CSMD1: variants seen among roughly 807,000 people sequenced by gnomAD.
CSMD1 encodes CUB and Sushi multiple domains 1, also known as CUB and sushi domain-containing protein 1.
CSMD1 carries 213 observed loss-of-function variants against 417.5 expected under a neutral mutation model. The ratio of observed to expected loss-of-function variants is 0.51; its 90% CI spans 0.46 to 0.57. CSMD1 has a LOEUF of 0.57. Ranked by LOEUF, CSMD1 falls within the 20% of genes least tolerant of loss-of-function variation. The probability of loss-of-function intolerance (pLI) is 0.00; values close to 1 mark genes in which losing one functional copy is unlikely to be tolerated. For synonymous variants in CSMD1, 2,862 were observed against 1,736.8 expected, an observed-to-expected ratio of 1.65 and a Z score of -16.11; for missense variants, 6,923 against 4,529.7, an observed-to-expected ratio of 1.53 and a Z score of -15.17.
At chr8:3,749,249 G>A (rs974152088) in intron 6 of CSMD1, among the ~76,000 whole-genome samples, 3 of 152,180 alleles carry the variant, frequency 2.0e-5, no homozygotes, top group Admixed American at 6.5e-5. Context: ...GAAATAATGT[G>A]TCCTGCATAA....
intron 5 of CSMD1, among the ~76,000 whole-genome samples, chr8:3,773,736 C>T (rs1221445766): frequency 3.3e-5 from 5 of 152,182 alleles, no homozygotes; most frequent in African/African-American, 1.2e-4. Context: ...GGAGGGCAAG[C>T]ATGATGGGCG....
intron 5 of CSMD1, among the ~76,000 whole-genome samples, chr8:3,889,514 G>A (rs1806807498): frequency 1.1e-5 from 1 of 93,248 alleles, no homozygotes; most frequent in Non-Finnish European, 2.1e-5. Flanking sequence ...ATTAGGTCAT[G>A]ATATATACAT....
intron 11 of CSMD1, among the ~76,000 whole-genome samples, chr8:3,485,802 TAAAATAAAATAAAATA>T (rs1367859738): frequency 6.7e-6 from 1 of 148,718 alleles, no homozygotes; most frequent in Non-Finnish European, 1.5e-5. Context: ...TAAAATAAAA[TAAAATAAAATAAAATA>T]AAATAAAATA....
At chr8:4,816,442 C>T (rs970480100) in intron 1 of CSMD1, among the ~76,000 whole-genome samples, 3 of 151,972 alleles carry the variant, frequency 2.0e-5, no homozygotes, top group Admixed American at 6.6e-5. Flanking sequence ...TGGCCAGGCT[C>T]GTCCCAAACT....
At chr8:3,405,501 C>T (rs1321023632) in intron 15 of CSMD1, among the ~76,000 whole-genome samples, 1 of 152,064 alleles carries the variant, frequency 6.6e-6, no homozygotes, top group South Asian at 2.1e-4. Context: ...GAATTCTGTC[C>T]CCCCAAAAAA....
At chr8:3,744,031 C>T (rs1439908893) in intron 6 of CSMD1, among the ~76,000 whole-genome samples, 1 of 152,174 alleles carries the variant, frequency 6.6e-6, no homozygotes, top group African/African-American at 2.4e-5. Flanking sequence ...TGCCCTTTCC[C>T]CTTCAATGTG....
At chr8:4,709,814 C>A (rs1162207732) in intron 1 of CSMD1, among the ~76,000 whole-genome samples, 2 of 152,116 alleles carry the variant, frequency 1.3e-5, no homozygotes, top group Non-Finnish European at 2.9e-5. Flanking sequence ...AGGAAAAGAG[C>A]ACAGTGTCCA....
chr8:3,782,981 T>C (rs1163382356), intron 5 of CSMD1, among the ~76,000 whole-genome samples: 1 of 152,204 alleles, frequency 6.6e-6, no homozygotes, highest in African/African-American at 2.4e-5. Flanking sequence ...GATTGTTAGC[T>C]ATAAGCAAAA....
intron 5 of CSMD1, among the ~76,000 whole-genome samples, chr8:3,798,362 AT>A (rs1800274892): frequency 6.6e-6 from 1 of 152,014 alleles, no homozygotes; most frequent in Non-Finnish European, 1.5e-5. Flanking sequence ...ACTCTCTTAC[AT>A]TAGCCTCTAG....
intron 33 of CSMD1, among the ~76,000 whole-genome samples, chr8:3,194,292 G>A (rs1279207605): frequency 6.6e-6 from 1 of 152,036 alleles, no homozygotes; most frequent in Non-Finnish European, 1.5e-5. Context: ...GTATTTGCCT[G>A]CCCAGAAATA....
intron 1 of CSMD1, among the ~76,000 whole-genome samples, chr8:4,796,033 A>T (rs1217699803): frequency 6.6e-6 from 1 of 152,192 alleles, no homozygotes; most frequent in Admixed American, 6.5e-5. Context: ...GGCTTCAGGT[A>T]TTTAAAATGT....
At chr8:3,823,008 A>C (rs989843863) in intron 5 of CSMD1, among the ~76,000 whole-genome samples, 1 of 152,132 alleles carries the variant, frequency 6.6e-6, no homozygotes, top group African/African-American at 2.4e-5. Flanking sequence ...ACGAAGGCTG[A>C]GTCAGCTGAA....
At chr8:3,678,559 G>C (rs1799497001) in intron 7 of CSMD1, among the ~76,000 whole-genome samples, 1 of 152,176 alleles carries the variant, frequency 6.6e-6, no homozygotes, top group Admixed American at 6.5e-5. Context: ...ATCTATGTCT[G>C]ATTGGTGTAC....
chr8:4,166,602 C>A (rs765502955), intron 3 of CSMD1, among the ~76,000 whole-genome samples: 1 of 152,096 alleles, frequency 6.6e-6, no homozygotes, highest in Non-Finnish European at 1.5e-5. Flanking sequence ...TGGGGACTCA[C>A]GGTGAACTGT....
At chr8:3,599,954 T>G (rs1801283231) in intron 8 of CSMD1, among the ~76,000 whole-genome samples, 1 of 152,138 alleles carries the variant, frequency 6.6e-6, no homozygotes, top group African/African-American at 2.4e-5. Context: ...AAAGTGTCGG[T>G]CTCTACAATT....
chr8:3,215,413 T>C (rs957601159), intron 29 of CSMD1, among the ~76,000 whole-genome samples: 3 of 152,228 alleles, frequency 2.0e-5, no homozygotes, highest in Non-Finnish European at 2.9e-5. Flanking sequence ...GCTCATTATG[T>C]ACCAGACATG....
At chr8:3,905,582 G>A (rs1190843368) in intron 5 of CSMD1, among the ~76,000 whole-genome samples, 1 of 152,146 alleles carries the variant, frequency 6.6e-6, no homozygotes, top group Non-Finnish European at 1.5e-5. Context: ...ACAGATGGCT[G>A]GACCCCACAC....
At chr8:4,705,388 A>G (rs919771476) in intron 1 of CSMD1, among the ~76,000 whole-genome samples, 2 of 152,210 alleles carry the variant, frequency 1.3e-5, no homozygotes, top group African/African-American at 4.8e-5. Context: ...AGCGTCTATC[A>G]AGAACATGCA....
chr8:4,447,339 C>A (rs568009959), intron 2 of CSMD1, among the ~76,000 whole-genome samples: 2 of 152,228 alleles, frequency 1.3e-5, no homozygotes, highest in African/African-American at 2.4e-5. Flanking sequence ...TGTGGTCATT[C>A]AAAATGCTAT....
Sources: allele counts gnomAD v4.1 joint callset (sites outside exome capture counted in the v4.1 genomes callset), GRCh38; gene constraint gnomAD v4.1.1; transcripts MANE v1.5; gene names NCBI Gene and HGNC (gene_info 2026-07-23, HGNC 2026-07-21).